Variants in CCDC102B observed in about 807,000 individuals in gnomAD.
CCDC102B encodes the protein coiled-coil domain-containing protein 102B.
CCDC102B carries 75 observed loss-of-function variants against 57.4 expected under a neutral mutation model. The ratio of observed to expected loss-of-function variants is 1.31; its 90% CI spans 1.08 to 1.58. The LOEUF (loss-of-function observed/expected upper bound fraction) is 1.58, where lower values mean the gene tolerates loss of function less well. CCDC102B is among the 40% of genes most tolerant of loss of function. CCDC102B has a pLI of 0.00. For synonymous variants in CCDC102B, 206 were observed against 201.9 expected, an observed-to-expected ratio of 1.02 and a Z score of -0.17; for missense variants, 636 against 582.6, an observed-to-expected ratio of 1.09 and a Z score of -0.94.
At chr18:68,794,666 C>T (rs549857096), upstream of CCDC102B, among the ~76,000 whole-genome samples, 55 of 152,134 alleles carry the variant, frequency 3.6e-4, no homozygotes, top group African/African-American at 1.3e-3. Context: ...CTGAATTTTT[C>T]TCGTCTCTTT....
At chr18:68,807,402 A>G (rs1257547857) in intron 1 of CCDC102B, among the ~76,000 whole-genome samples, 1 of 152,128 alleles carries the variant, frequency 6.6e-6, no homozygotes, top group Non-Finnish European at 1.5e-5. Context: ...AAATCATGAG[A>G]TATTTAAGAA....
At chr18:68,745,880 C>T (rs1001160465) in intron 2 of CCDC102B, among the ~76,000 whole-genome samples, 1 of 151,964 alleles carries the variant, frequency 6.6e-6, no homozygotes, top group Non-Finnish European at 1.5e-5. Context: ...ATGTCCTGCA[C>T]GCTCATTCAT....
At chr18:69,026,472 A>AG (rs2051995418) in intron 7 of CCDC102B, among the ~76,000 whole-genome samples, 1 of 151,864 alleles carries the variant, frequency 6.6e-6, no homozygotes, top group Non-Finnish European at 1.5e-5. Flanking sequence ...AAAAAAAAAA[A>AG]AAAACCCCAG....
intron 1 of CCDC102B, among the ~76,000 whole-genome samples, chr18:68,808,398 T>C (rs778074240): frequency 1.2e-4 from 18 of 151,964 alleles, no homozygotes; most frequent in Non-Finnish European, 2.2e-4. Context: ...TATTAATATT[T>C]CTCTTTGTTG....
chr18:68,982,138 G>T (rs1261584283), intron 6 of CCDC102B, among the ~76,000 whole-genome samples: 8 of 151,710 alleles, frequency 5.3e-5, no homozygotes, highest in Non-Finnish European at 1.2e-4. Flanking sequence ...TTGTTCTGGA[G>T]AAAAATCCAT....
chr18:68,994,534 G>A (rs1170391833), intron 6 of CCDC102B, among the ~76,000 whole-genome samples: 1 of 151,250 alleles, frequency 6.6e-6, no homozygotes, highest in East Asian at 1.9e-4. Flanking sequence ...CCTCCCCCGT[G>A]TAAAGGGAGA....
chr18:69,032,704 T>C (rs751702148), intron 7 of CCDC102B, among the ~76,000 whole-genome samples: 1 of 152,178 alleles, frequency 6.6e-6, no homozygotes, highest in Admixed American at 6.6e-5. Flanking sequence ...TCTGGGATGC[T>C]GAAGTGTTCT....
intron 6 of CCDC102B, among the ~76,000 whole-genome samples, chr18:68,935,496 A>G (rs759779445): frequency 6.6e-6 from 1 of 152,046 alleles, no homozygotes; most frequent in South Asian, 2.1e-4. Flanking sequence ...TGTTTTATCT[A>G]TGTTAACTTT....
At chr18:68,868,051 A>G (rs2144907871) in intron 4 of CCDC102B, among the ~76,000 whole-genome samples, 1 of 152,318 alleles carries the variant, frequency 6.6e-6, no homozygotes, top group East Asian at 1.9e-4. Context: ...ATTATTTCTC[A>G]ATGATATTTC....
intron 2 of CCDC102B, among the ~76,000 whole-genome samples, chr18:68,762,288 A>T (rs2144590550): frequency 6.6e-6 from 1 of 152,220 alleles, no homozygotes; most frequent in East Asian, 1.9e-4. Context: ...CGGAGAACAT[A>T]TTTGCCTTAA....
intron 6 of CCDC102B, among the ~76,000 whole-genome samples, chr18:68,938,029 C>T (rs546944028): frequency 4.6e-5 from 7 of 152,014 alleles, no homozygotes; most frequent in African/African-American, 1.2e-4. Context: ...TGGGTTGGTT[C>T]CAAGTCTTTG....
intron 7 of CCDC102B, among the ~76,000 whole-genome samples, chr18:69,053,275 A>T (rs1433600657): frequency 6.6e-6 from 1 of 151,532 alleles, no homozygotes; most frequent in Non-Finnish European, 1.5e-5. Context: ...TTTTTAATTA[A>T]AACAATTAAA....
chr18:68,972,828 T>C (rs2050336409), intron 6 of CCDC102B, among the ~76,000 whole-genome samples: 1 of 152,184 alleles, frequency 6.6e-6, no homozygotes, highest in Non-Finnish European at 1.5e-5. Flanking sequence ...TTCTCCTTCA[T>C]CTAATTGTTT....
intron 6 of CCDC102B, among the ~76,000 whole-genome samples, chr18:69,009,924 A>ATTTTCTTTTTTTTT (rs2051457921): frequency 3.0e-5 from 1 of 33,514 alleles, no homozygotes; most frequent in African/African-American, 8.3e-5. Context: ...TTTAATAAAG[A>ATTTTCTTTTTTTTT]TTTTTTTTTT....
Position 68,808,400 on chromosome 18 carries a change from T to C in CCDC102B, c.-16+10219T>C, listed in dbSNP as rs532713931. Among the ~76,000 whole-genome samples the C allele has an allele frequency of 7.2e-5, 11 of 151,950 alleles. No homozygotes were observed. The East Asian group carries it at 1.9e-3, about 27-fold the overall frequency. On this transcript the variant is annotated intron_variant, in intron 1 of 7. Coordinates refer to ENST00000360242, the MANE Select transcript of CCDC102B (RefSeq NM_024781.3). ...ATATACTTGCATGTATTAATATTTC[T>C]CTTTGTTGCATAATAAAATAACATT...
intron 6 of CCDC102B, among the ~76,000 whole-genome samples, chr18:68,970,651 T>C (rs2050277504): frequency 6.6e-6 from 1 of 152,038 alleles, no homozygotes; most frequent in Non-Finnish European, 1.5e-5. Flanking sequence ...GATAACTTTA[T>C]ATTTGTTTCT....
At chr18:68,758,114 A>C (rs1455678926) in intron 2 of CCDC102B, among the ~76,000 whole-genome samples, 1 of 151,962 alleles carries the variant, frequency 6.6e-6, no homozygotes, top group Non-Finnish European at 1.5e-5. Flanking sequence ...ATACATTTTC[A>C]TTTTATTTAA....
intron 6 of CCDC102B, among the ~76,000 whole-genome samples, chr18:68,913,330 G>GTGTGTGTGTGTGTGTA (rs2145081981): frequency 6.6e-6 from 1 of 151,586 alleles, no homozygotes; most frequent in East Asian, 1.9e-4. Context: ...GTGTGTGTGT[G>GTGTGTGTGTGTGTGTA]TGTGTGTGTG....
chr18:68,897,803 G>A (rs2040297418), intron 6 of CCDC102B: 1 of 373,482 alleles, frequency 2.7e-6, no homozygotes, highest in Non-Finnish European at 4.8e-6. Flanking sequence ...TATACAATAA[G>A]CATTTGCTGG....
Sources: gnomAD v4.1 joint callset for allele counts (sites outside exome capture counted in the v4.1 genomes callset) on GRCh38, gnomAD v4.1.1 for gene constraint, MANE v1.5 for transcripts, NCBI Gene and HGNC (gene_info 2026-07-23, HGNC 2026-07-21) for gene names.